NR5A2: variants seen among roughly 807,000 people sequenced by gnomAD.
NR5A2 encodes nuclear receptor subfamily 5 group A member 2.
In NR5A2, 26 loss-of-function variants were observed where a neutral mutation model predicts 62.7. That is an observed-to-expected ratio of 0.41 (90% confidence interval 0.30 to 0.58). The LOEUF is 0.58. Among genes scored for constraint, NR5A2 ranks in the 20% least tolerant of loss-of-function variants. The pLI, the probability that NR5A2 is intolerant of heterozygous loss-of-function variation, is 0.22. For synonymous variants in NR5A2, 246 were observed against 241.7 expected, an observed-to-expected ratio of 1.02 and a Z score of -0.16; for missense variants, 541 against 669.1, an observed-to-expected ratio of 0.81 and a Z score of 2.11.
At chr1:200,143,817 T>C (rs1667551671) in intron 7 of NR5A2, among the ~76,000 whole-genome samples, 1 of 151,768 alleles carries the variant, frequency 6.6e-6, no homozygotes, top group Non-Finnish European at 1.5e-5. Context: ...AATTTTTTTA[T>C]TTTTAGTAGA....
At chr1:200,044,051 T>G in intron 3 of NR5A2, 159 bp downstream of exon 3, 1 of 499,858 alleles carries the variant, frequency 2.0e-6, no homozygotes, top group East Asian at 3.1e-5. Context: ...TAGAAGTGTG[T>G]GTCTGATTTA....
intron 7 of NR5A2, among the ~76,000 whole-genome samples, chr1:200,125,672 T>TA (rs1426782298): frequency 1.3e-5 from 2 of 152,170 alleles, no homozygotes; most frequent in African/African-American, 2.4e-5. Context: ...TTCTTTATCT[T>TA]AAAATAATTA....
chr1:200,043,981 C>CT, intron 3 of NR5A2, 89 bp downstream of exon 3: 1 of 799,988 alleles, frequency 1.3e-6, no homozygotes, highest in Non-Finnish European at 2.1e-6. Context: ...ATTTAGGCTC[C>CT]TTTTTTAAAG....
At chr1:200,144,472 GC>G (rs1043612844) in intron 7 of NR5A2, among the ~76,000 whole-genome samples, 1 of 152,098 alleles carries the variant, frequency 6.6e-6, no homozygotes, top group African/African-American at 2.4e-5. Context: ...TTCTTGAAAT[GC>G]CATTCAAAAC....
At chr1:200,062,998 G>A (rs1352567156) in intron 5 of NR5A2, among the ~76,000 whole-genome samples, 1 of 151,394 alleles carries the variant, frequency 6.6e-6, no homozygotes, top group Non-Finnish European at 1.5e-5. Context: ...TACCTGCAGT[G>A]TAAACAATGG....
intron 5 of NR5A2, among the ~76,000 whole-genome samples, chr1:200,091,179 A>C (rs563817284): frequency 6.6e-6 from 1 of 152,266 alleles, no homozygotes; most frequent in South Asian, 2.1e-4. Flanking sequence ...TTGCTTTGTA[A>C]TATTTGATCA....
At chr1:200,133,177 G>A (rs1482975129) in intron 7 of NR5A2, among the ~76,000 whole-genome samples, 1 of 152,098 alleles carries the variant, frequency 6.6e-6, no homozygotes, top group African/African-American at 2.4e-5. Flanking sequence ...TTTTCATTGT[G>A]AAGTGTAAAA....
At chr1:200,145,087 G>A (rs952678789) in intron 7 of NR5A2, among the ~76,000 whole-genome samples, 4 of 152,076 alleles carry the variant, frequency 2.6e-5, no homozygotes, top group African/African-American at 9.7e-5. Context: ...TGAGGCAGGC[G>A]GATCACAAGG....
rs190566211 is a variant in NR5A2, at chr1:200,067,341, G to A, written c.1110+18523G>A. Among the ~76,000 whole-genome samples the A allele has an allele frequency of 3.3e-5, 5 of 152,358 alleles. No individual in the cohort carries two copies. In the East Asian group the frequency reaches 7.7e-4, roughly 24 times the overall value. On this transcript the variant is annotated intron_variant, in intron 5 of 7. Transcript: ENST00000367362. ...GGAGGCCAAGGCGGGGAGATCACTT[G>A]AGGTTGGGAGTTCAAGACCAGCCTA... is the stretch of plus-strand genomic sequence containing the variant.
At chr1:200,145,279 C>T (rs572469060) in intron 7 of NR5A2, among the ~76,000 whole-genome samples, 70 of 152,208 alleles carry the variant, frequency 4.6e-4, no homozygotes, top group Non-Finnish European at 8.2e-4. Context: ...CACTGCACTC[C>T]AGCCTAGGTG....
At chr1:200,070,550 T>C (rs1328095955) in intron 5 of NR5A2, among the ~76,000 whole-genome samples, 1 of 151,904 alleles carries the variant, frequency 6.6e-6, no homozygotes, top group Non-Finnish European at 1.5e-5. Context: ...TATAGTTGCA[T>C]GCATCTGAGG....
In NR5A2 at chr1:200,048,731, C is replaced by T. The variant is rs769389370; in HGVS notation, c.1023C>T (p.Thr341=). ...GAAGCAAGCACGAAAAGCTGAGCAC[C>T]TTTGGGCTTATGTGCAAAATGGCAG... The part of the protein sequence containing the change: ...ANRSKHEKLS[T]FGLMCKMADQ... Residue 341 remains threonine, a synonymous_variant, in exon 5 of 8, where the codon ACC becomes ACT. Transcript: ENST00000367362. The surrounding 1 kb of genome is among the most constrained non-coding windows in gnomAD (Gnocchi z 4.8). The T allele has an allele frequency of 6.2e-7, 1 of 1,614,216 alleles. No individual in the cohort carries two copies. The highest frequency in any genetic ancestry group is 1.6e-4 in the Middle Eastern group (1 of 6,062).
intron 7 of NR5A2, among the ~76,000 whole-genome samples, chr1:200,157,093 T>A (rs1334334037): frequency 6.6e-6 from 1 of 152,214 alleles, no homozygotes; most frequent in African/African-American, 2.4e-5. Flanking sequence ...AATTAAGTCA[T>A]CATTGCAGAA....
rs562555307 is a variant in NR5A2, at chr1:200,078,694, TTAAAG to T, written c.1110+29880_1110+29884del. 3.7e-3 allele frequency among the ~76,000 whole-genome samples: 563 copies of T among 152,354 alleles called. 5 individuals carry two copies. The highest frequency in any genetic ancestry group is 0.012 in the African/African-American group (518 of 41,592). ...GATCTGGAGAATGTCTTGGACTTCT[TTAAAG>T]TAACTTCATGCATGTGCTCTCATTA... On this transcript the variant is annotated intron_variant, in intron 5 of 7. Transcript: ENST00000367362.
At chr1:200,144,743 C>T (rs755766182) in intron 7 of NR5A2, among the ~76,000 whole-genome samples, 19 of 152,272 alleles carry the variant, frequency 1.2e-4, no homozygotes, top group African/African-American at 4.3e-4. Context: ...TTAGATACAT[C>T]GTTATCTCAT....
intron 6 of NR5A2, among the ~76,000 whole-genome samples, chr1:200,113,278 C>A (rs911020131): frequency 6.6e-6 from 1 of 152,096 alleles, no homozygotes; most frequent in Non-Finnish European, 1.5e-5. Context: ...GCTCCCCTCC[C>A]CACCCTTTAA....
intron 6 of NR5A2, among the ~76,000 whole-genome samples, chr1:200,120,281 AATATTGTAT>A (rs1558150977): frequency 1.3e-5 from 2 of 152,188 alleles, no homozygotes; most frequent in African/African-American, 4.8e-5. Flanking sequence ...TGCACTAGTT[AATATTGTAT>A]ATACATAGAA....
chr1:200,036,843 T>C (rs1382519038), intron 1 of NR5A2, among the ~76,000 whole-genome samples: 3 of 152,212 alleles, frequency 2.0e-5, no homozygotes, highest in African/African-American at 7.2e-5. Context: ...ATTTCGCTGC[T>C]ACGCTTAGGT....
At chr1:200,152,436 CAAG>C (rs1466330487) in intron 7 of NR5A2, among the ~76,000 whole-genome samples, 1 of 152,046 alleles carries the variant, frequency 6.6e-6, no homozygotes, top group Non-Finnish European at 1.5e-5. Flanking sequence ...ATATATTTAG[CAAG>C]AAGGCAAAAA....
Sources: allele counts gnomAD v4.1 joint callset (sites outside exome capture counted in the v4.1 genomes callset), GRCh38; gene constraint gnomAD v4.1.1; non-coding constraint Gnocchi (gnomAD v3.1); transcripts MANE v1.5; gene names NCBI Gene and HGNC (gene_info 2026-07-23, HGNC 2026-07-21).